The following FAH variants were observed in gnomAD, a reference collection of about 807,000 sequenced individuals.
The protein encoded by FAH is fumarylacetoacetase.
Under a neutral mutation model 55.8 loss-of-function variants are expected in FAH, and 47 were observed. That is an observed-to-expected ratio of 0.84 (90% confidence interval 0.67 to 1.07). FAH has a LOEUF of 1.07. Ranked by LOEUF, FAH falls within the 50% of genes least tolerant of loss-of-function variation. The pLI is 0.00. For missense variants in FAH, 495 were observed against 545.9 expected (o/e 0.91, Z 0.93); for synonymous variants, 199 against 207.7 (o/e 0.96, Z 0.36).
intron 7 of FAH, among the ~76,000 whole-genome samples, chr15:80,168,918 T>C (rs2041218268): frequency 6.6e-6 from 1 of 152,218 alleles, no homozygotes; most frequent in African/African-American, 2.4e-5. Context: ...CAACAAAATA[T>C]ATTACATAAA....
intron 12 of FAH, 147 bp downstream of exon 12, chr15:80,180,372 C>G: frequency 1.5e-6 from 1 of 685,468 alleles, no homozygotes; most frequent in Non-Finnish European, 2.6e-6. Context: ...TAGCCTTTCT[C>G]TCTGGGTGCA....
intron 7 of FAH, 100 bp from the exon 8 acceptor site, chr15:80,172,049 A>T: frequency 1.1e-6 from 1 of 871,388 alleles, no homozygotes; most frequent in African/African-American, 1.6e-5. Context: ...GTCCTGGTCC[A>T]TGGCTGGAGT....
intron 2 of FAH, 103 bp downstream of exon 2, chr15:80,158,273 A>C: frequency 2.3e-6 from 2 of 880,622 alleles, no homozygotes; most frequent in Non-Finnish European, 3.9e-6. Context: ...AGGTAATGCC[A>C]TCGAAGGTCT....
Position 80,153,072 on chromosome 15 carries a change from G to A in FAH, c.18G>A (p.Val6=). ...TCTTCAGCATGTCCTTCATCCCGGT[G>A]GCCGAGGATTCCGACTTCCCCATCC... is the stretch of plus-strand genomic sequence containing the variant. The part of the protein sequence containing the change: MSFIP[V]AEDSDFPIHN... The change falls in exon 1 of 14, where the codon GTG becomes GTA. Residue 6 remains valine, a synonymous_variant. Coordinates refer to ENST00000561421, the MANE Select transcript of FAH (RefSeq NM_000137.4). The A allele has an allele frequency of 1.9e-6, 3 of 1,613,820 alleles. No individual in the cohort carries two copies. Among genetic ancestry groups the A allele is most frequent in the Non-Finnish European group, 2.5e-6 (3 of 1,180,014 alleles).
At chr15:80,159,639 T>G in intron 2 of FAH, 117 bp from the exon 3 acceptor site, 2 of 1,179,384 alleles carry the variant, frequency 1.7e-6, no homozygotes, top group Non-Finnish European at 2.5e-6. Flanking sequence ...CCTGAGAGTT[T>G]GAGTTAGCGG....
rs1023362108 is a variant in FAH at position 80,153,006 on chromosome 15, C to T, written c.-49C>T. 3.4e-5 allele frequency: 53 copies of T among 1,547,380 alleles called. No individual in the cohort carries two copies. Among genetic ancestry groups the T allele is most frequent in the African/African-American group, 6.8e-5 (5 of 73,774 alleles). On this transcript the variant is annotated 5_prime_UTR_variant, in exon 1 of 14. Transcript: ENST00000561421. ...ACCACAGCGGCCGAGTTCAGTCCTG[C>T]TCTCCGCACGCCACCTTAGGCCCGC...
chr15:80,174,785 G>A (rs1178187035), intron 9 of FAH, among the ~76,000 whole-genome samples: 18 of 152,088 alleles, frequency 1.2e-4, no homozygotes, highest in Admixed American at 1.2e-3. Flanking sequence ...TGTGACCTTT[G>A]ACCTGCTGAT....
intron 5 of FAH, 44 bp from the exon 6 acceptor site, chr15:80,168,008 A>T: frequency 6.7e-7 from 1 of 1,496,584 alleles, no homozygotes; most frequent in African/African-American, 1.4e-5. Context: ...TTGACAACAT[A>T]TAACAGCTCT....
intron 8 of FAH, 126 bp from the exon 9 acceptor site, chr15:80,172,888 C>A: frequency 7.8e-7 from 1 of 1,288,878 alleles, no homozygotes; most frequent in Non-Finnish European, 1.1e-6. Context: ...GGCAGCCTGA[C>A]TGGGGCTGAT....
intron 10 of FAH, among the ~76,000 whole-genome samples, chr15:80,177,010 C>T (rs1253450851): frequency 3.9e-5 from 6 of 152,166 alleles, no homozygotes; most frequent in Admixed American, 3.3e-4. Context: ...CTTATTAGTG[C>T]TGTTCAGAAG....
rs201528408 is a variant in FAH at position 80,153,035 on chromosome 15, C to A, written c.-20C>A. ...CCGCACGCCACCTTAGGCCCGCAGC[C>A]GTGCCGGGTGCTCTTCAGCATGTCC... On this transcript the variant is annotated 5_prime_UTR_variant, in exon 1 of 14. Transcript: ENST00000561421. 2 of 1,610,432 alleles carry A rather than the reference C, an allele frequency of 1.2e-6. No individual in the cohort carries two copies. The highest frequency in any genetic ancestry group is 2.2e-5 in the East Asian group (1 of 44,856).
chr15:80,181,783 T>G (rs1344527743), intron 13 of FAH, among the ~76,000 whole-genome samples: 1 of 152,164 alleles, frequency 6.6e-6, no homozygotes, highest in Non-Finnish European at 1.5e-5. Flanking sequence ...TCTTGCTCTC[T>G]CATCCAATCT....
intron 11 of FAH, among the ~76,000 whole-genome samples, chr15:80,178,790 A>G (rs527430641): frequency 2.5e-4 from 38 of 151,540 alleles, no homozygotes; most frequent in Middle Eastern, 3.4e-3. Flanking sequence ...GGGTTTCACC[A>G]TGTTAGCCAG....
intron 5 of FAH, among the ~76,000 whole-genome samples, chr15:80,164,173 C>T (rs2041172542): frequency 6.6e-6 from 1 of 152,216 alleles, no homozygotes. Flanking sequence ...GTCTCACTGG[C>T]TAAAGTCAAG....
chr15:80,172,714 G>A (rs1452675791), intron 8 of FAH, among the ~76,000 whole-genome samples: 1 of 152,194 alleles, frequency 6.6e-6, no homozygotes, highest in East Asian at 1.9e-4. Context: ...GGCACCATAA[G>A]CCCCAGAAAG....
At chr15:80,155,671 T>C (rs568587157) in intron 1 of FAH, among the ~76,000 whole-genome samples, 12 of 151,678 alleles carry the variant, frequency 7.9e-5, no homozygotes, top group African/African-American at 2.9e-4. Flanking sequence ...AGACCGGTAG[T>C]GGCCCCGAAT....
intron 13 of FAH, among the ~76,000 whole-genome samples, chr15:80,184,160 A>G (rs1261996298): frequency 6.6e-6 from 1 of 152,210 alleles, no homozygotes; most frequent in Admixed American, 6.5e-5. Context: ...AGGCATTTGC[A>G]CGGATGGCTC....
chr15:80,176,430 G>A lies in FAH; in HGVS notation c.914-1107G>A, dbSNP rs547614176. ...CATGAGGTGGTTCCTGTCAGGAGGC[G>A]CAGTACACTGCAGGAGCTGTCGCCA... is the stretch of plus-strand genomic sequence containing the variant. On this transcript the variant is annotated intron_variant, in intron 10 of 13. Transcript: ENST00000561421. 4.8e-4 allele frequency among the ~76,000 whole-genome samples: 73 copies of A among 152,304 alleles called. No individual in the cohort carries two copies. The South Asian group carries it at 0.015, about 30-fold the overall frequency.
At chr15:80,169,892 C>T (rs1348797635) in intron 7 of FAH, among the ~76,000 whole-genome samples, 1 of 152,174 alleles carries the variant, frequency 6.6e-6, no homozygotes, top group Non-Finnish European at 1.5e-5. Flanking sequence ...GACTCACATG[C>T]AGTTGTGAGA....
Sources: gnomAD v4.1 joint callset for allele counts (sites outside exome capture counted in the v4.1 genomes callset) on GRCh38, gnomAD v4.1.1 for gene constraint, MANE v1.5 for transcripts, NCBI Gene and HGNC (gene_info 2026-07-23, HGNC 2026-07-21) for gene names.